The following TCF4 variants were observed in gnomAD, a reference collection of about 807,000 sequenced individuals.
TCF4 encodes SL3-3 enhancer factor 2.
In TCF4, 3 loss-of-function variants were observed where a neutral mutation model predicts 82.1. That is an observed-to-expected ratio of 0.04 (90% confidence interval 0.02 to 0.09). The LOEUF (loss-of-function observed/expected upper bound fraction) is 0.09, where lower values mean the gene tolerates loss of function less well. Among genes scored for constraint, TCF4 ranks in the 10% least tolerant of loss-of-function variants. TCF4 has a pLI of 1.00. For synonymous variants in TCF4, 276 were observed against 309.6 expected, an observed-to-expected ratio of 0.89 and a Z score of 1.14; for missense variants, 518 against 852.7, an observed-to-expected ratio of 0.61 and a Z score of 4.89.
intron 5 of TCF4, among the ~76,000 whole-genome samples, chr18:55,413,276 C>A (rs963832609): frequency 3.9e-5 from 6 of 152,080 alleles, no homozygotes; most frequent in African/African-American, 1.5e-4. Context: ...ATGATCATTT[C>A]TCTAGCCTTA....
intron 3 of TCF4, among the ~76,000 whole-genome samples, chr18:55,470,009 C>T (rs1568141359): frequency 6.6e-6 from 1 of 152,010 alleles, no homozygotes; most frequent in Non-Finnish European, 1.5e-5. Flanking sequence ...CATTTTTTGC[C>T]CTGGGGACAT....
intron 5 of TCF4, among the ~76,000 whole-genome samples, chr18:55,441,473 T>C (rs2095437498): frequency 6.6e-6 from 1 of 152,332 alleles, no homozygotes; most frequent in East Asian, 1.9e-4. Context: ...CCCATGATTA[T>C]GTCCATGTTC....
chr18:55,408,679 G>A (rs147094813), intron 5 of TCF4, among the ~76,000 whole-genome samples: 1 of 152,094 alleles, frequency 6.6e-6, no homozygotes. Flanking sequence ...ACACCATTTT[G>A]CAGATGAGGA....
chr18:55,587,974 G>A (rs966492288), intron 1 of TCF4, 64 bp downstream of exon 1: 82 of 969,344 alleles, frequency 8.5e-5, no homozygotes, highest in Non-Finnish European at 9.5e-5. Flanking sequence ...CGGGGCCGCC[G>A]AGCCCGAACC....
rs2097700520 is a variant in TCF4, at chr18:55,604,590, T to G, written c.287-17454A>C. The stretch of plus-strand genomic sequence containing the variant: ...AGTGAAATGTTGCAGGGATTCTGCA[T>G]GGTGAGCAAATGGCAGAGTGTGTGG... On this transcript the variant is annotated intron_variant, in intron 2 of 20. Transcript: ENST00000398339. Among the ~76,000 whole-genome samples, 3 of 152,316 alleles carry G rather than the reference T, an allele frequency of 2.0e-5. 1 individual carries two copies. The highest frequency in any genetic ancestry group is 6.8e-3 in the Middle Eastern group (2 of 294).
chr18:55,247,574 T>C (rs902022083), intron 15 of TCF4, among the ~76,000 whole-genome samples: 2 of 152,178 alleles, frequency 1.3e-5, no homozygotes, highest in African/African-American at 2.4e-5. Flanking sequence ...GGGGAGGAGA[T>C]AGATCCACCC....
chr18:55,389,198 T>A (rs1450546578), intron 6 of TCF4, among the ~76,000 whole-genome samples: 1 of 152,180 alleles, frequency 6.6e-6, no homozygotes, highest in Admixed American at 6.5e-5. Context: ...GAAATTTGCA[T>A]GGAAGTATTT....
chr18:55,465,757 A>G (rs2096002963), intron 3 of TCF4, among the ~76,000 whole-genome samples: 1 of 152,198 alleles, frequency 6.6e-6, no homozygotes, highest in Non-Finnish European at 1.5e-5. Flanking sequence ...AAATATTTTC[A>G]GCCAAAATAA....
intron 6 of TCF4, among the ~76,000 whole-genome samples, chr18:55,375,313 CA>C (rs2090457733): frequency 6.6e-6 from 1 of 152,064 alleles, no homozygotes; most frequent in African/African-American, 2.4e-5. Flanking sequence ...CACATGCACA[CA>C]AGCATACACA....
chr18:55,575,144 A>G (rs1421007158), intron 3 of TCF4, among the ~76,000 whole-genome samples: 4 of 152,216 alleles, frequency 2.6e-5, no homozygotes, highest in Non-Finnish European at 5.9e-5. Context: ...AAAAAGAATA[A>G]TAAGATGTTA....
Position 55,433,061 on chromosome 18 carries a change from G to A in TCF4, c.304+27958C>T, listed in dbSNP as rs144830459. Reference sequence around the variant, plus strand: ...TAAAAAAAGTGCAGTAGTGAATTCGGTAGTCATATCATCTCGATAACTTAT... The same window carrying A: ...TAAAAAAAGTGCAGTAGTGAATTCGATAGTCATATCATCTCGATAACTTAT... On this transcript the variant is annotated intron_variant, in intron 5 of 19. Transcript: ENST00000354452. 1.4e-3 allele frequency among the ~76,000 whole-genome samples: 217 copies of A among 152,290 alleles called. 8 individuals carry two copies. In the East Asian group the frequency reaches 0.038, roughly 27 times the overall value.
chr18:55,321,082 G>A (rs2075375798), intron 8 of TCF4, among the ~76,000 whole-genome samples: 1 of 151,974 alleles, frequency 6.6e-6, no homozygotes, highest in Non-Finnish European at 1.5e-5. Flanking sequence ...CCCCATTTTG[G>A]CTTTAAATAT....
At chr18:55,588,481 T>C (rs1290742385), upstream of TCF4, 7 of 1,535,086 alleles carry the variant, frequency 4.6e-6, no homozygotes, top group Middle Eastern at 1.7e-4. Flanking sequence ...TCATTTTTCC[T>C]CAGATCGTCA....
chr18:55,323,140 GGAAA>G (rs1378730176), intron 8 of TCF4, among the ~76,000 whole-genome samples: 1 of 151,990 alleles, frequency 6.6e-6, no homozygotes, highest in Admixed American at 6.6e-5. Flanking sequence ...TACAAAAAAA[GGAAA>G]GAAAGAAAGG....
At chr18:55,339,850 G>A (rs931905380) in intron 8 of TCF4, among the ~76,000 whole-genome samples, 73 of 152,156 alleles carry the variant, frequency 4.8e-4, no homozygotes, top group African/African-American at 1.6e-3. Context: ...ATTATAATGC[G>A]TCAAAGGCTA....
chr18:55,476,375 C>T (rs766412369), intron 3 of TCF4, among the ~76,000 whole-genome samples: 1 of 152,172 alleles, frequency 6.6e-6, no homozygotes, highest in Non-Finnish European at 1.5e-5. Flanking sequence ...GCATACCATA[C>T]AATATTGAGT....
At chr18:55,235,912 T>A (rs1033724364) in intron 15 of TCF4, among the ~76,000 whole-genome samples, 3 of 152,156 alleles carry the variant, frequency 2.0e-5, no homozygotes, top group Non-Finnish European at 4.4e-5. Flanking sequence ...GCATCAACAA[T>A]AAGTATCTGA....
chr18:55,490,346 G>A (rs2096563225), intron 3 of TCF4, among the ~76,000 whole-genome samples: 1 of 152,064 alleles, frequency 6.6e-6, no homozygotes, highest in African/African-American at 2.4e-5. Context: ...GGCTAGAGAG[G>A]CACATATTTC....
At chr18:55,601,057 T>C (rs545469439) in intron 2 of TCF4, among the ~76,000 whole-genome samples, 190 of 152,282 alleles carry the variant, frequency 1.2e-3, no homozygotes, top group Non-Finnish European at 2.2e-3. Flanking sequence ...GAAATGCCTG[T>C]ATATTCTTTC....
Sources: gnomAD v4.1 joint callset for allele counts (sites outside exome capture counted in the v4.1 genomes callset) on GRCh38, gnomAD v4.1.1 for gene constraint, MANE v1.5 for transcripts, NCBI Gene and HGNC (gene_info 2026-07-23, HGNC 2026-07-21) for gene names.